Variants in MEGF6 observed in about 807,000 individuals in gnomAD.
The protein encoded by MEGF6 is multiple epidermal growth factor-like domains protein 6.
In MEGF6, 184 loss-of-function variants were observed where a neutral mutation model predicts 207.1. That is an observed-to-expected ratio of 0.89 (90% CI 0.79 to 1.00). The LOEUF is 1.00. MEGF6 is among the 50% of genes least tolerant of loss of function. The probability of loss-of-function intolerance (pLI) is 0.00; values close to 1 mark genes in which losing one functional copy is unlikely to be tolerated. For synonymous variants in MEGF6, 1,038 were observed against 910.0 expected (o/e 1.14, Z -2.53); for missense variants, 2,282 against 2,202.9 (o/e 1.04, Z -0.72).
intron 4 of MEGF6, among the ~76,000 whole-genome samples, chr1:3,566,195 C>T (rs751300026): frequency 4.9e-4 from 74 of 152,194 alleles, no homozygotes; most frequent in Non-Finnish European, 9.1e-4. Context: ...CCCAGGCCCC[C>T]GGCTTGACCG....
intron 3 of MEGF6, among the ~76,000 whole-genome samples, chr1:3,590,786 G>A (rs1331618133): frequency 6.8e-6 from 1 of 147,384 alleles, no homozygotes; most frequent in Non-Finnish European, 1.5e-5. Flanking sequence ...CAAAGGGTGA[G>A]AAAAGAGAGG....
intron 18 of MEGF6, among the ~76,000 whole-genome samples, chr1:3,501,542 G>A (rs1430870668): frequency 6.6e-6 from 1 of 152,112 alleles, no homozygotes; most frequent in Non-Finnish European, 1.5e-5. Flanking sequence ...GGCAACACAA[G>A]GAGCCGAGCC....
At chr1:3,605,635 C>T (rs36127958) in intron 1 of MEGF6, among the ~76,000 whole-genome samples, 34,503 of 151,838 alleles carry the variant, frequency 0.23, 4,107 homozygotes, top group East Asian at 0.37. Context: ...CACACGCACA[C>T]TTCTGTACTC....
At chr1:3,498,283 C>T (rs576785668) in intron 26 of MEGF6, 88 bp downstream of exon 26, 57 of 1,455,758 alleles carry the variant, frequency 3.9e-5, no homozygotes, top group African/African-American at 8.5e-5. Context: ...GGCCCCAAAC[C>T]GGGCACAGTC....
chr1:3,491,426 CT>C (rs1640359738), intron 35 of MEGF6, among the ~76,000 whole-genome samples: 1 of 152,166 alleles, frequency 6.6e-6, no homozygotes, highest in Admixed American at 6.5e-5. Flanking sequence ...CCTTTTGTCC[CT>C]GCACCAGCGC....
At chr1:3,590,132 C>T (rs1248953463) in intron 3 of MEGF6, among the ~76,000 whole-genome samples, 1 of 152,208 alleles carries the variant, frequency 6.6e-6, no homozygotes, top group Non-Finnish European at 1.5e-5. Context: ...CAGGGGGCTG[C>T]AGGCAGGGTA....
chr1:3,511,773 G>T, intron 8 of MEGF6, 86 bp from the exon 9 acceptor site: 1 of 1,539,584 alleles, frequency 6.5e-7, no homozygotes. Flanking sequence ...CCACCCAGCA[G>T]CCAGCCTCGG....
chr1:3,539,182 C>A (rs1449375175), intron 4 of MEGF6, among the ~76,000 whole-genome samples: 2 of 152,176 alleles, frequency 1.3e-5, no homozygotes, highest in East Asian at 3.9e-4. Flanking sequence ...GGGGAGGCGG[C>A]CCAGGGCACC....
At chr1:3,603,039 T>C (rs12025426) in intron 1 of MEGF6, among the ~76,000 whole-genome samples, 94,593 of 152,074 alleles carry the variant, frequency 0.62, 29,757 homozygotes, top group Non-Finnish European at 0.67. Flanking sequence ...CTGGGGCACA[T>C]GGCTGGGGTG....
intron 3 of MEGF6, among the ~76,000 whole-genome samples, chr1:3,583,321 C>A (rs1643846232): frequency 7.3e-6 from 1 of 137,176 alleles, no homozygotes; most frequent in Non-Finnish European, 1.5e-5. Context: ...CACCAGACAA[C>A]CCACAGCCAC....
chr1:3,513,034 G>A (rs963475634), intron 7 of MEGF6, among the ~76,000 whole-genome samples: 6 of 152,078 alleles, frequency 3.9e-5, no homozygotes, highest in East Asian at 1.9e-4. Flanking sequence ...AGGGGGCAGC[G>A]GTGTGTTCCA....
At chr1:3,495,805 G>A (rs975623520) in intron 30 of MEGF6, 85 bp downstream of exon 30, 1 of 1,502,406 alleles carries the variant, frequency 6.7e-7, no homozygotes, top group Non-Finnish European at 8.9e-7. Context: ...TCTGGGCTGG[G>A]CCCACCCCTC....
chr1:3,594,957 G>C lies in MEGF6; in HGVS notation c.376+381C>G, dbSNP rs1354662022. 6.6e-6 allele frequency among the ~76,000 whole-genome samples: 1 copy of C among 151,930 alleles called. No individual in the cohort carries two copies. The highest frequency in any genetic ancestry group is 1.5e-5 in the Non-Finnish European group (1 of 67,980). On this transcript the variant is annotated intron_variant, in intron 3 of 36. Transcript: ENST00000356575. The surrounding 1 kb of genome is among the most constrained non-coding windows in gnomAD (Gnocchi z 4.2). Reference sequence around the variant, plus strand: ...GGTATAGGGAAACAGGGCAGGGAGAGGGACTCAGGGAGCTGGGGGTGAGCG... The same window carrying C: ...GGTATAGGGAAACAGGGCAGGGAGACGGACTCAGGGAGCTGGGGGTGAGCG...
intron 3 of MEGF6, among the ~76,000 whole-genome samples, chr1:3,583,149 T>C (rs1643839809): frequency 6.6e-6 from 1 of 151,976 alleles, no homozygotes; most frequent in East Asian, 1.9e-4. Flanking sequence ...GGTGGAAAAA[T>C]ACTACGAGGC....
intron 4 of MEGF6, among the ~76,000 whole-genome samples, chr1:3,525,219 G>A (rs1468984254): frequency 6.6e-6 from 1 of 152,142 alleles, no homozygotes; most frequent in African/African-American, 2.4e-5. Flanking sequence ...AGTGCCACCC[G>A]CCATCCCAGA....
At chr1:3,590,096 CA>C (rs1365197955) in intron 3 of MEGF6, among the ~76,000 whole-genome samples, 2 of 152,230 alleles carry the variant, frequency 1.3e-5, no homozygotes, top group African/African-American at 4.8e-5. Flanking sequence ...CAGGCCAGCA[CA>C]GCCCGTATGA....
intron 4 of MEGF6, among the ~76,000 whole-genome samples, chr1:3,540,484 C>A (rs1326866260): frequency 6.6e-6 from 1 of 152,224 alleles, no homozygotes; most frequent in African/African-American, 2.4e-5. Flanking sequence ...CTCCAGGGCC[C>A]ATGGGCGAGG....
At chr1:3,606,205 G>A (rs952429740) in intron 1 of MEGF6, among the ~76,000 whole-genome samples, 3 of 152,160 alleles carry the variant, frequency 2.0e-5, no homozygotes, top group African/African-American at 4.8e-5. Flanking sequence ...GGGGTCCCCC[G>A]GCCAGGACCA....
Position 3,524,123 on chromosome 1 carries a change from C to A in MEGF6, c.604+1G>T. 6.2e-7 allele frequency: 1 copy of A among 1,611,454 alleles called. No individual in the cohort carries two copies. On this transcript the variant is annotated splice_donor_variant, in intron 5 of 36. Transcript: ENST00000356575. LOFTEE classifies it high-confidence loss of function. ...AGGCAGGGTCTCCAGGCGACACTCA[C>A]CCAGGCAGGTCCTGCTGTCAGTGTG...
Sources: gnomAD v4.1 joint callset for allele counts (sites outside exome capture counted in the v4.1 genomes callset) on GRCh38, gnomAD v4.1.1 for gene constraint, Gnocchi (gnomAD v3.1) non-coding constraint, MANE v1.5 for transcripts, NCBI Gene and HGNC (gene_info 2026-07-23, HGNC 2026-07-21) for gene names.